Variants in ELMO1 observed in about 807,000 individuals in gnomAD.
ELMO1 encodes engulfment and cell motility protein 1.
A neutral mutation model predicts 98.9 loss-of-function variants in ELMO1; 26 were observed. The ratio of observed to expected loss-of-function variants is 0.26; its 90% confidence interval spans 0.19 to 0.36. The LOEUF is 0.36. Among genes scored for constraint, ELMO1 ranks in the 10% least tolerant of loss-of-function variants. The pLI is 1.00. For synonymous variants in ELMO1, 346 were observed against 346.0 expected, an observed-to-expected ratio of 1.00 and a Z score of 0.00; for missense variants, 627 against 935.2, an observed-to-expected ratio of 0.67 and a Z score of 4.30.
chr7:36,909,986 C>T (rs1784231721), intron 16 of ELMO1, among the ~76,000 whole-genome samples: 1 of 152,162 alleles, frequency 6.6e-6, no homozygotes, highest in African/African-American at 2.4e-5. Flanking sequence ...CTTATCAATA[C>T]TCCATTGCCC....
intron 4 of ELMO1, among the ~76,000 whole-genome samples, chr7:37,284,033 A>T (rs920227579): frequency 6.6e-6 from 1 of 152,066 alleles, no homozygotes; most frequent in Admixed American, 6.6e-5. Context: ...GGGGAGTATG[A>T]TACACATTAA....
intron 1 of ELMO1, among the ~76,000 whole-genome samples, chr7:37,371,431 T>TA (rs1249093616): frequency 6.6e-6 from 1 of 152,238 alleles, no homozygotes; most frequent in African/African-American, 2.4e-5. Flanking sequence ...ATATACTTAA[T>TA]AAAGGTTTAA....
intron 5 of ELMO1, chr7:37,271,122 G>A (rs1270627873): frequency 6.6e-6 from 1 of 152,066 alleles, no homozygotes; most frequent in Non-Finnish European, 1.5e-5. Flanking sequence ...TGTATTTTTA[G>A]TAGAGACAGG....
chr7:37,333,842 A>C (rs1800255368), intron 2 of ELMO1, among the ~76,000 whole-genome samples: 1 of 152,222 alleles, frequency 6.6e-6, no homozygotes, highest in Non-Finnish European at 1.5e-5. Flanking sequence ...CAGCTTTCTT[A>C]ATTGGAGCAA....
At chr7:37,149,750 T>C (rs539693302) in intron 13 of ELMO1, among the ~76,000 whole-genome samples, 7 of 152,298 alleles carry the variant, frequency 4.6e-5, no homozygotes, top group Admixed American at 3.9e-4. Flanking sequence ...CAGCGACCCA[T>C]GAATTAATCA....
chr7:37,148,745 A>AT (rs1413416197), intron 13 of ELMO1, among the ~76,000 whole-genome samples: 1 of 152,244 alleles, frequency 6.6e-6, no homozygotes, highest in African/African-American at 2.4e-5. Flanking sequence ...CAATCCAGAT[A>AT]TCATGGCTCA....
intron 16 of ELMO1, among the ~76,000 whole-genome samples, chr7:37,000,848 T>C (rs1792616892): frequency 6.6e-6 from 1 of 151,746 alleles, no homozygotes; most frequent in South Asian, 2.1e-4. Flanking sequence ...CCAGGGTATG[T>C]GGGTTAAGCA....
Position 37,029,065 on chromosome 7 carries a change from G to A in ELMO1, c.1301-15630C>T, listed in dbSNP as rs377196677. 7.2e-5 allele frequency among the ~76,000 whole-genome samples: 11 copies of A among 152,176 alleles called. 1 individual carries two copies. The East Asian group carries it at 1.5e-3, about 21-fold the overall frequency. ...GAGTCACAGAGAGGCTAAGTGACTT[G>A]CCCGAGTCACACAGCCAGAGAGAGG... On this transcript the variant is annotated intron_variant, in intron 15 of 21. Transcript: ENST00000310758.
chr7:37,291,863 C>G (rs145751430), intron 4 of ELMO1, among the ~76,000 whole-genome samples: 9,500 of 150,126 alleles, frequency 0.063, 361 homozygotes, highest in South Asian at 0.14. Context: ...TGCAGTGAGC[C>G]GAGATCACAC....
chr7:37,186,835 T>G (rs1435764674), intron 13 of ELMO1, among the ~76,000 whole-genome samples: 2 of 152,152 alleles, frequency 1.3e-5, no homozygotes, highest in African/African-American at 4.8e-5. Flanking sequence ...CTGAAAACAC[T>G]GAAATCTTCA....
intron 16 of ELMO1, among the ~76,000 whole-genome samples, chr7:36,907,059 C>G (rs983686287): frequency 6.6e-6 from 1 of 152,074 alleles, no homozygotes; most frequent in African/African-American, 2.4e-5. Flanking sequence ...TTTATGACTA[C>G]TGAATTTTAA....
At chr7:37,228,330 T>G (rs1308478118) in intron 8 of ELMO1, among the ~76,000 whole-genome samples, 2 of 152,226 alleles carry the variant, frequency 1.3e-5, no homozygotes, top group African/African-American at 4.8e-5. Context: ...AGAAGGTTAT[T>G]CATGCCTATT....
intron 1 of ELMO1, among the ~76,000 whole-genome samples, chr7:37,440,679 G>A (rs1262973385): frequency 6.6e-6 from 1 of 150,952 alleles, no homozygotes; most frequent in Non-Finnish European, 1.5e-5. Flanking sequence ...TGAGGCAGGA[G>A]AATCGCTTGA....
At position 36,887,722 on chromosome 7, in the gene ELMO1, G is replaced by A. The variant is rs368104210; in HGVS notation, c.1602-50C>T. ...CACAGCATGCCTTGAGAAACAGAGT[G>A]TGGCTTGGTGGGCATCATGGGCATA... On this transcript the variant is annotated intron_variant, in intron 17 of 21. Coordinates refer to ENST00000310758, the MANE Select transcript of ELMO1 (RefSeq NM_014800.11). 1.1e-5 allele frequency: 17 copies of A among 1,566,852 alleles called. No individual in the cohort carries two copies. In the African/African-American group the frequency reaches 2.0e-4, roughly 19 times the overall value.
intron 15 of ELMO1, among the ~76,000 whole-genome samples, chr7:37,026,355 G>A (rs1794578932): frequency 6.6e-6 from 1 of 152,068 alleles, no homozygotes; most frequent in Admixed American, 6.6e-5. Context: ...CTAGGGAGCT[G>A]GCAAAATGGG....
At chr7:36,953,823 A>C (rs1307510875) in intron 16 of ELMO1, among the ~76,000 whole-genome samples, 1 of 144,618 alleles carries the variant, frequency 6.9e-6, no homozygotes, top group Admixed American at 6.9e-5. Context: ...GTTCTGGTAC[A>C]GTGTATGGGT....
At chr7:37,350,960 G>A (rs887969797) in intron 1 of ELMO1, among the ~76,000 whole-genome samples, 2 of 152,136 alleles carry the variant, frequency 1.3e-5, no homozygotes, top group Non-Finnish European at 2.9e-5. Context: ...TCTAGCCTCC[G>A]TAACAGTGAG....
At chr7:36,917,595 G>A (rs1784802331) in intron 16 of ELMO1, among the ~76,000 whole-genome samples, 1 of 152,190 alleles carries the variant, frequency 6.6e-6, no homozygotes, top group Admixed American at 6.5e-5. Flanking sequence ...GTCACTCTCA[G>A]ACATCAGAAT....
At chr7:37,275,261 C>T (rs1346907610) in intron 4 of ELMO1, among the ~76,000 whole-genome samples, 3 of 152,200 alleles carry the variant, frequency 2.0e-5, no homozygotes, top group Non-Finnish European at 4.4e-5. Flanking sequence ...CCCTGCCACA[C>T]CCAAGGTGAT....
Sources: allele counts gnomAD v4.1 joint callset (sites outside exome capture counted in the v4.1 genomes callset), GRCh38; gene constraint gnomAD v4.1.1; transcripts MANE v1.5; gene names NCBI Gene and HGNC (gene_info 2026-07-23, HGNC 2026-07-21).